RAP1GAP: variants seen among roughly 807,000 people sequenced by gnomAD.
RAP1GAP encodes the protein RAP1 GTPase activating protein, also known as rap1 GTPase-activating protein 1.
Under a neutral mutation model 87.2 loss-of-function variants are expected in RAP1GAP, and 35 were observed. That is an observed-to-expected ratio of 0.40 (90% CI 0.31 to 0.53). RAP1GAP has a LOEUF of 0.53. Ranked by LOEUF, RAP1GAP falls within the 20% of genes least tolerant of loss-of-function variation. The pLI is 0.48. For synonymous variants in RAP1GAP, 375 were observed against 363.9 expected, an observed-to-expected ratio of 1.03 and a Z score of -0.35; for missense variants, 734 against 898.9, an observed-to-expected ratio of 0.82 and a Z score of 2.35.
chr1:21,661,814 A>G (rs1448817757), intron 1 of RAP1GAP, among the ~76,000 whole-genome samples: 1 of 152,228 alleles, frequency 6.6e-6, no homozygotes, highest in African/African-American at 2.4e-5. Flanking sequence ...ATGGCTCACA[A>G]TGTGACTGTG....
Position 21,634,771 on chromosome 1 carries a change from A to T in RAP1GAP, c.-112-8374T>A, listed in dbSNP as rs781543573. 2.1e-5 allele frequency: 10 copies of T among 478,288 alleles called. No homozygotes were observed. Among genetic ancestry groups the T allele is most frequent in the Non-Finnish European group, 3.4e-5 (8 of 237,906 alleles). 29.6% of individuals were successfully genotyped at this position (478,288 alleles called of 1,614,324 possible). A position where few individuals can be genotyped will look rare whatever the true frequency, so the allele number is the denominator to read the frequency against. On this transcript the variant is annotated intron_variant, in intron 2 of 24. Coordinates refer to ENST00000374765, the MANE Select transcript of RAP1GAP (RefSeq NM_002885.4). This position sits in a 1 kb window ranked among gnomAD's most constrained non-coding sequence, Gnocchi z 4.1. Reference sequence around the variant, plus strand: ...CAGGCCACCCATTTACCTGCTGTCTATCCAGCATCTGTCTCCCTTGCTCAG... The same window carrying T: ...CAGGCCACCCATTTACCTGCTGTCTTTCCAGCATCTGTCTCCCTTGCTCAG...
In RAP1GAP at chr1:21,615,405, T is replaced by TA. The variant is rs1239464870; in HGVS notation, c.292-1317_292-1316insT. Among the ~76,000 whole-genome samples, 2 of 151,848 alleles carry TA rather than the reference T, an allele frequency of 1.3e-5. No homozygotes were observed. Among genetic ancestry groups the TA allele is most frequent in the Admixed American group, 1.3e-4 (2 of 15,266 alleles). On this transcript the variant is annotated intron_variant, in intron 7 of 24. Coordinates refer to ENST00000374765, the MANE Select transcript of RAP1GAP (RefSeq NM_002885.4). The surrounding 1 kb of genome is among the most constrained non-coding windows in gnomAD (Gnocchi z 4.5). Reference sequence around the variant, plus strand: ...CCTGGACATGAAGCCTCTTCTTTTTTTTTTGAGATGGAGTCTTGCTCTGTC... The same window carrying TA: ...CCTGGACATGAAGCCTCTTCTTTTTTATTTTGAGATGGAGTCTTGCTCTGTC...
At chr1:21,616,911 C>T (rs1254990071) in intron 7 of RAP1GAP, among the ~76,000 whole-genome samples, 1 of 152,234 alleles carries the variant, frequency 6.6e-6, no homozygotes, top group Non-Finnish European at 1.5e-5. Flanking sequence ...CAGATATCAG[C>T]TCACTAAAGC....
intron 2 of RAP1GAP, among the ~76,000 whole-genome samples, chr1:21,644,919 A>AG (rs1558851527): frequency 8.3e-5 from 12 of 144,404 alleles, no homozygotes; most frequent in Non-Finnish European, 1.1e-4. Context: ...AAAAAAAAAA[A>AG]AGAGAAAAGA....
Position 21,669,306 on chromosome 1 carries a change from C to A in RAP1GAP, c.-201G>T. ...GGCTCGGCACTCTGGTGCCCGCGGC[C>A]GCCGCTGCAGCTCTGCTCAGATGCG... On this transcript the variant is annotated 5_prime_UTR_variant, in exon 1 of 25. Coordinates refer to ENST00000374765, the MANE Select transcript of RAP1GAP (RefSeq NM_002885.4). The surrounding 1 kb of genome is among the most constrained non-coding windows in gnomAD (Gnocchi z 5.6). 1 of 1,170,650 alleles carries A rather than the reference C, an allele frequency of 8.5e-7. No individual in the cohort carries two copies. The highest frequency in any genetic ancestry group is 1.1e-6 in the Non-Finnish European group (1 of 941,886). 72.5% of individuals were successfully genotyped at this position (1,170,650 alleles called of 1,614,324 possible). A position where few individuals can be genotyped will look rare whatever the true frequency, so the allele number is the denominator to read the frequency against.
intron 2 of RAP1GAP, among the ~76,000 whole-genome samples, chr1:21,641,463 C>A (rs2095517738): frequency 6.6e-6 from 1 of 152,184 alleles, no homozygotes; most frequent in Non-Finnish European, 1.5e-5. Flanking sequence ...CAAAGCCAGG[C>A]CTTGCACCCA....
intron 13 of RAP1GAP, among the ~76,000 whole-genome samples, chr1:21,610,525 C>T (rs2077578584): frequency 6.6e-6 from 1 of 152,232 alleles, no homozygotes; most frequent in South Asian, 2.1e-4. Context: ...CTATTCAATT[C>T]ATCCATGTAA....
chr1:21,637,556 C>A (rs1266492823), intron 2 of RAP1GAP, among the ~76,000 whole-genome samples: 1 of 152,082 alleles, frequency 6.6e-6, no homozygotes, highest in African/African-American at 2.4e-5. Context: ...CCAGCAACCC[C>A]ATTTCTAGGC....
At chr1:21,628,929 G>A (rs2093105651) in intron 2 of RAP1GAP, among the ~76,000 whole-genome samples, 1 of 151,854 alleles carries the variant, frequency 6.6e-6, no homozygotes, top group South Asian at 2.1e-4. Context: ...AGGGAGGGAG[G>A]GTGGCTTCCA....
chr1:21,601,728 G>C lies in RAP1GAP; in HGVS notation c.1608C>G (p.Asn536Lys), dbSNP rs752217400. 6.2e-7 allele frequency: 1 copy of C among 1,612,600 alleles called. No individual in the cohort carries two copies. Among genetic ancestry groups the C allele is most frequent in the African/African-American group, 1.3e-5 (1 of 75,046 alleles). Reference sequence around the variant, plus strand: ...TCTCTGGGGAGCTCTGAGTGGATGAGTTCTCCGACTTGGGCTCCTGTGAGA... The same window carrying C: ...TCTCTGGGGAGCTCTGAGTGGATGACTTCTCCGACTTGGGCTCCTGTGAGA... ...GHVSQEPKSE[N>K]SSTQSSPEMP... is the part of the protein sequence containing the mutation. The change falls in exon 20 of 25, where the codon AAC becomes AAG. Residue 536 changes from asparagine to lysine, a missense_variant. By Grantham distance (94) the Asn-to-Lys change is moderately conservative. This residue lies in a region of RAP1GAP where 249 missense variants were observed against 252.7 expected (regional missense o/e 0.99). Transcript: ENST00000374765.
Position 21,655,316 on chromosome 1 carries a change from G to A in RAP1GAP, c.-148-5520C>T, listed in dbSNP as rs547932563. On this transcript the variant is annotated intron_variant, in intron 1 of 24. Transcript: ENST00000374765. ...AAATTATGGTCCATGTATGCTATGC[G>A]GTGCCATGCAGCTATGGGACAGACT... Among the ~76,000 whole-genome samples, 9 of 152,252 alleles carry A rather than the reference G, an allele frequency of 5.9e-5. No individual in the cohort carries two copies. In the South Asian group the frequency reaches 1.0e-3, roughly 18 times the overall value.
At chr1:21,631,318 C>T (rs555856503) in intron 2 of RAP1GAP, among the ~76,000 whole-genome samples, 1 of 152,344 alleles carries the variant, frequency 6.6e-6, no homozygotes, top group African/African-American at 2.4e-5. Context: ...CTGCCATGAC[C>T]GTGGTCACAT....
chr1:21,659,138 C>T (rs919204735), intron 1 of RAP1GAP, among the ~76,000 whole-genome samples: 32 of 150,968 alleles, frequency 2.1e-4, no homozygotes, highest in African/African-American at 7.9e-4. Flanking sequence ...CTCCCGACCT[C>T]AGGTGATGCG....
intron 1 of RAP1GAP, among the ~76,000 whole-genome samples, chr1:21,655,178 A>G (rs957532814): frequency 3.9e-5 from 6 of 152,100 alleles, no homozygotes; most frequent in African/African-American, 1.2e-4. Flanking sequence ...AAATTGTTGT[A>G]GCAGCATCAT....
intron 2 of RAP1GAP, among the ~76,000 whole-genome samples, chr1:21,630,905 C>A (rs2093598354): frequency 6.6e-6 from 1 of 152,086 alleles, no homozygotes; most frequent in African/African-American, 2.4e-5. Flanking sequence ...CCCTCCTCAC[C>A]AGCCCTCTGC....
At chr1:21,639,680 G>A (rs1041594541) in intron 2 of RAP1GAP, among the ~76,000 whole-genome samples, 1 of 152,200 alleles carries the variant, frequency 6.6e-6, no homozygotes, top group African/African-American at 2.4e-5. Flanking sequence ...GGGCAGGCGG[G>A]GGGCACAGGC....
At position 21,603,122 on chromosome 1, in the gene RAP1GAP, C is replaced by G. The variant is rs1224773114; in HGVS notation, c.1429-209G>C. On this transcript the variant is annotated intron_variant, in intron 18 of 24. Coordinates refer to ENST00000374765, the MANE Select transcript of RAP1GAP (RefSeq NM_002885.4). The surrounding 1 kb of genome is among the most constrained non-coding windows in gnomAD (Gnocchi z 6.0). ...AGGGCAAGGGGCTCTCCCGAGCTCA[C>G]ACGGCAGGACTGCACGTCAATACTG... 3 of 559,156 alleles carry G rather than the reference C, an allele frequency of 5.4e-6. No individual in the cohort carries two copies. Among genetic ancestry groups the G allele is most frequent in the East Asian group, 2.9e-5 (1 of 34,210 alleles). The allele number at this position is 559,156 out of a possible 1,614,324, so 34.6% of individuals were successfully genotyped here. A position where few individuals can be genotyped will look rare whatever the true frequency, so the allele number is the denominator to read the frequency against.
chr1:21,638,146 A>G (rs1334536308), intron 2 of RAP1GAP, among the ~76,000 whole-genome samples: 2 of 121,360 alleles, frequency 1.6e-5, no homozygotes, highest in Non-Finnish European at 1.9e-5. Flanking sequence ...GCAAGATCCT[A>G]TTAAAAAAAA....
intron 2 of RAP1GAP, among the ~76,000 whole-genome samples, chr1:21,643,556 CAAA>C (rs58359978): frequency 9.0e-5 from 6 of 66,478 alleles, no homozygotes; most frequent in African/African-American, 1.7e-4. Context: ...GACTCCGTCT[CAAA>C]AAAAAAAAAA....
Sources: allele counts gnomAD v4.1 joint callset (sites outside exome capture counted in the v4.1 genomes callset), GRCh38; gene constraint gnomAD v4.1.1; regional missense constraint gnomAD v4.1.1; non-coding constraint Gnocchi (gnomAD v3.1); transcripts MANE v1.5; gene names NCBI Gene and HGNC (gene_info 2026-07-23, HGNC 2026-07-21).